The following BRD3OS variants were observed in gnomAD, a reference collection of about 807,000 sequenced individuals.
The protein encoded by BRD3OS is BRD3 opposite strand.
rs1843472954 is a variant in BRD3OS at position 134,029,115 on chromosome 9, G to A, written c.*2113G>A. Reference sequence around the variant, plus strand: ...CCAAGGAAGCACTCCACATCCGCTAGGTAGGGTTTGTCTGCATCTTTTCAG... The same window carrying A: ...CCAAGGAAGCACTCCACATCCGCTAAGTAGGGTTTGTCTGCATCTTTTCAG... On this transcript the variant is annotated 3_prime_UTR_variant, in exon 3 of 3. Transcript: ENST00000603928. The A allele has an allele frequency of 6.6e-6, 1 of 152,322 alleles. No homozygotes were observed. Among genetic ancestry groups the A allele is most frequent in the Admixed American group, 6.5e-5 (1 of 15,290 alleles). 9.4% of individuals were successfully genotyped at this position (152,322 alleles called of 1,614,324 possible).
Position 134,027,235 on chromosome 9 carries a change from C to T in BRD3OS, c.*233C>T, listed in dbSNP as rs1469165399. The T allele has an allele frequency of 3.0e-6, 1 of 336,930 alleles. No homozygotes were observed. Among genetic ancestry groups the T allele is most frequent in the Admixed American group, 4.9e-5 (1 of 20,578 alleles). 20.9% of individuals were successfully genotyped at this position (336,930 alleles called of 1,614,324 possible). ...TCCCCTCTAGAGTCCCCTCCGTGGT[C>T]AGCTGTTGTGACATTTGAATTCTCC... is the stretch of plus-strand genomic sequence containing the variant. On this transcript the variant is annotated 3_prime_UTR_variant, in exon 3 of 3. Coordinates refer to ENST00000603928, the MANE Select transcript of BRD3OS (RefSeq NM_001355256.2).
chr9:134,028,920 C>T lies in BRD3OS; in HGVS notation c.*1918C>T, dbSNP rs1843470189. The T allele has an allele frequency of 6.6e-6, 1 of 152,268 alleles. No individual in the cohort carries two copies. Among genetic ancestry groups the T allele is most frequent in the African/African-American group, 2.4e-5 (1 of 41,460 alleles). 9.4% of individuals were successfully genotyped at this position (152,268 alleles called of 1,614,324 possible). A position where few individuals can be genotyped will look rare whatever the true frequency, so the allele number is the denominator to read the frequency against. On this transcript the variant is annotated 3_prime_UTR_variant, in exon 3 of 3. Coordinates refer to ENST00000603928, the MANE Select transcript of BRD3OS (RefSeq NM_001355256.2). ...TGCCAGAGGCCTGGTCGGCAGCAGC[C>T]TCCTGCACAGCCCGAGTCCCTTCTG... is the stretch of plus-strand genomic sequence containing the variant.
Position 134,027,325 on chromosome 9 carries a change from G to T in BRD3OS, c.*323G>T, listed in dbSNP as rs907113422. The T allele has an allele frequency of 1.3e-5, 3 of 226,824 alleles. No homozygotes were observed. The highest frequency in any genetic ancestry group is 2.6e-5 in the Non-Finnish European group (3 of 117,488). 14.1% of individuals were successfully genotyped at this position (226,824 alleles called of 1,614,324 possible). On this transcript the variant is annotated 3_prime_UTR_variant, in exon 3 of 3. Transcript: ENST00000603928. ...ATGCTTGGTTTAAACCAGGCCAAGA[G>T]TAACCCTCCCATCCCCATTACAAAC...
chr9:134,028,761 G>A lies in BRD3OS; in HGVS notation c.*1759G>A, dbSNP rs755011567. 1.3e-5 allele frequency: 2 copies of A among 152,270 alleles called. No individual in the cohort carries two copies. Among genetic ancestry groups the A allele is most frequent in the Non-Finnish European group, 2.9e-5 (2 of 68,068 alleles). The allele number at this position is 152,270 out of a possible 1,614,324, so 9.4% of individuals were successfully genotyped here. A position where few individuals can be genotyped will look rare whatever the true frequency, so the allele number is the denominator to read the frequency against. On this transcript the variant is annotated 3_prime_UTR_variant, in exon 3 of 3. Transcript: ENST00000603928. ...AGACGGGCACAGTGACAGCATCCAG[G>A]TTGTCATCTGTGCAAACAGCATGTT...
intron 1 of BRD3OS, 28 bp downstream of exon 1, chr9:134,025,564 C>G (rs1468547213): frequency 1.3e-5 from 2 of 151,976 alleles, no homozygotes; most frequent in African/African-American, 4.8e-5. Context: ...CGTGGGGGAC[C>G]CGGGGATGCG....
In BRD3OS at chr9:134,030,837, G is replaced by A; in HGVS notation, c.*3835G>A. 4.3e-6 allele frequency: 1 copy of A among 232,472 alleles called. No homozygotes were observed. Among genetic ancestry groups the A allele is most frequent in the Non-Finnish European group, 8.5e-6 (1 of 117,556 alleles). 14.4% of individuals were successfully genotyped at this position (232,472 alleles called of 1,614,324 possible). On this transcript the variant is annotated 3_prime_UTR_variant, in exon 3 of 3. Transcript: ENST00000603928. ...GAAGCCTGCCCCCTCGGCCTCCAGG[G>A]GTCATTCAGAGTGTTCTCAAATCCA...
rs1843448294 is a variant in BRD3OS at position 134,027,766 on chromosome 9, T to C, written c.*764T>C. The C allele has an allele frequency of 6.6e-6, 1 of 152,240 alleles. No homozygotes were observed. The highest frequency in any genetic ancestry group is 2.4e-5 in the African/African-American group (1 of 41,456). 9.4% of individuals were successfully genotyped at this position (152,240 alleles called of 1,614,324 possible). A position where few individuals can be genotyped will look rare whatever the true frequency, so the allele number is the denominator to read the frequency against. ...ATCATCTGTGAAGCATCATGGTAGC[T>C]TCCAAGCATTTGCGGCCCACTGGCC... On this transcript the variant is annotated 3_prime_UTR_variant, in exon 3 of 3. Transcript: ENST00000603928.
rs1276723264 is a variant in BRD3OS, at chr9:134,027,529, C to CT, written c.*528dup. On this transcript the variant is annotated 3_prime_UTR_variant, in exon 3 of 3. Transcript: ENST00000603928. ...GCACAATCACAGCTCACTGTAGGCT[C>CT]TATCTCCTGGGCTCAGGTGATCCTC... is the stretch of plus-strand genomic sequence containing the variant. 2.0e-5 allele frequency: 3 copies of CT among 152,254 alleles called. No individual in the cohort carries two copies. The highest frequency in any genetic ancestry group is 4.8e-5 in the African/African-American group (2 of 41,438). 9.4% of individuals were successfully genotyped at this position (152,254 alleles called of 1,614,324 possible).
In BRD3OS at chr9:134,026,540, C is replaced by T; in HGVS notation, c.-208C>T. On this transcript the variant is annotated 5_prime_UTR_variant, in exon 3 of 3. Transcript: ENST00000603928. This position sits in a 1 kb window ranked among gnomAD's most constrained non-coding sequence, Gnocchi z 4.4. Reference sequence around the variant, plus strand: ...GGTCCCCTGAATGGGTCTCAGGTGTCTTCAGAATGGTGAGGCCGCCTCATT... The same window carrying T: ...GGTCCCCTGAATGGGTCTCAGGTGTTTTCAGAATGGTGAGGCCGCCTCATT... 1 of 369,254 alleles carries T rather than the reference C, an allele frequency of 2.7e-6. No individual in the cohort carries two copies. Among genetic ancestry groups the T allele is most frequent in the Non-Finnish European group, 4.8e-6 (1 of 207,770 alleles). 22.9% of individuals were successfully genotyped at this position (369,254 alleles called of 1,614,324 possible).
rs1843510121 is a variant in BRD3OS, at chr9:134,031,367, CGTAT to C, written c.*4366_*4369del. Reference sequence around the variant, plus strand: ...CCAGGCACCCCCGGCTTAGGGTGTACGTATCACCCAGCCCTGTGCTGGCAGCACG... The same window carrying C: ...CCAGGCACCCCCGGCTTAGGGTGTACCACCCAGCCCTGTGCTGGCAGCACG... On this transcript the variant is annotated 3_prime_UTR_variant, in exon 3 of 3. Coordinates refer to ENST00000603928, the MANE Select transcript of BRD3OS (RefSeq NM_001355256.2). 4.8e-6 allele frequency: 1 copy of C among 207,674 alleles called. No homozygotes were observed. The highest frequency in any genetic ancestry group is 9.8e-6 in the Non-Finnish European group (1 of 101,890). The allele number at this position is 207,674 out of a possible 1,614,324, so 12.9% of individuals were successfully genotyped here. A position where few individuals can be genotyped will look rare whatever the true frequency, so the allele number is the denominator to read the frequency against.
Position 134,027,514 on chromosome 9 carries a change from AGCTCACTGTAG to A in BRD3OS, c.*517_*527del, listed in dbSNP as rs1381726169. On this transcript the variant is annotated 3_prime_UTR_variant, in exon 3 of 3. Transcript: ENST00000603928. ...GGCTGGAATACAGTGGCACAATCAC[AGCTCACTGTAG>A]GCTCTATCTCCTGGGCTCAGGTGAT... is the stretch of plus-strand genomic sequence containing the variant. The A allele has an allele frequency of 6.6e-6, 1 of 152,192 alleles. No individual in the cohort carries two copies. Among genetic ancestry groups the A allele is most frequent in the Non-Finnish European group, 1.5e-5 (1 of 68,068 alleles). 9.4% of individuals were successfully genotyped at this position (152,192 alleles called of 1,614,324 possible).
Position 134,026,995 on chromosome 9 carries a change from T to C in BRD3OS, c.248T>C (p.Ile83Thr). Reference sequence around the variant, plus strand: ...ACAGGGCAGTCCAAGTTTTGCACAATTATGTAATTCCGATGTGAGCACCTG... The same window carrying C: ...ACAGGGCAGTCCAAGTTTTGCACAACTATGTAATTCCGATGTGAGCACCTG... ...RDTGQSKFCT[I>T]M Residue 83 changes from isoleucine to threonine, a missense_variant, in exon 3 of 3, where the codon ATT (isoleucine) becomes ACT (threonine). Ile to Thr is a moderately conservative substitution (Grantham distance 89). Transcript: ENST00000603928. This position sits in a 1 kb window ranked among gnomAD's most constrained non-coding sequence, Gnocchi z 4.4. The C allele has an allele frequency of 2.5e-6, 1 of 398,866 alleles. No individual in the cohort carries two copies. The allele number at this position is 398,866 out of a possible 1,614,324, so 24.7% of individuals were successfully genotyped here.
At position 134,029,416 on chromosome 9, in the gene BRD3OS, G is replaced by C. The variant is rs982884275; in HGVS notation, c.*2414G>C. The C allele has an allele frequency of 6.6e-6, 1 of 152,384 alleles. No homozygotes were observed. Among genetic ancestry groups the C allele is most frequent in the African/African-American group, 2.4e-5 (1 of 41,468 alleles). The allele number at this position is 152,384 out of a possible 1,614,324, so 9.4% of individuals were successfully genotyped here. The stretch of plus-strand genomic sequence containing the variant: ...CACTAAGCCGCTTAGGCTGCAGGAA[G>C]ACACCATCTGCCTGGGGCGGACAAG... On this transcript the variant is annotated 3_prime_UTR_variant, in exon 3 of 3. Coordinates refer to ENST00000603928, the MANE Select transcript of BRD3OS (RefSeq NM_001355256.2).
Position 134,029,502 on chromosome 9 carries a change from G to A in BRD3OS, c.*2500G>A, listed in dbSNP as rs1403642645. The A allele has an allele frequency of 6.6e-6, 1 of 152,284 alleles. No homozygotes were observed. The highest frequency in any genetic ancestry group is 1.9e-4 in the East Asian group (1 of 5,188). The allele number at this position is 152,284 out of a possible 1,614,324, so 9.4% of individuals were successfully genotyped here. ...GAGAAGGGTCACAGTCTGGCCAGGA[G>A]TGTCACCGTGCCCCCTGACCCCATC... On this transcript the variant is annotated 3_prime_UTR_variant, in exon 3 of 3. Transcript: ENST00000603928.
In BRD3OS at chr9:134,031,327, G is replaced by C. The variant is rs1333568155; in HGVS notation, c.*4325G>C. ...CCTGTGGCTGGAGGGGCATTGCAAG[G>C]AGCGCCCCCCAGCCCCAGGCACCCC... is the stretch of plus-strand genomic sequence containing the variant. On this transcript the variant is annotated 3_prime_UTR_variant, in exon 3 of 3. Coordinates refer to ENST00000603928, the MANE Select transcript of BRD3OS (RefSeq NM_001355256.2). 1 of 208,984 alleles carries C rather than the reference G, an allele frequency of 4.8e-6. No homozygotes were observed. The highest frequency in any genetic ancestry group is 9.7e-6 in the Non-Finnish European group (1 of 102,612). The allele number at this position is 208,984 out of a possible 1,614,324, so 12.9% of individuals were successfully genotyped here.
At position 134,028,421 on chromosome 9, in the gene BRD3OS, C is replaced by T. The variant is rs777214633; in HGVS notation, c.*1419C>T. 2 of 152,278 alleles carry T rather than the reference C, an allele frequency of 1.3e-5. No homozygotes were observed. Among genetic ancestry groups the T allele is most frequent in the Non-Finnish European group, 2.9e-5 (2 of 68,108 alleles). 9.4% of individuals were successfully genotyped at this position (152,278 alleles called of 1,614,324 possible). ...TTTCTTTTTTTTTAAGAGAGTCTCA[C>T]TCTGTTGCCCAGGCTGGAGTGCAAT... On this transcript the variant is annotated 3_prime_UTR_variant, in exon 3 of 3. Coordinates refer to ENST00000603928, the MANE Select transcript of BRD3OS (RefSeq NM_001355256.2).
rs981186585 is a variant in BRD3OS at position 134,026,765 on chromosome 9, C to A, written c.18C>A (p.Pro6=). 8 of 398,740 alleles carry A rather than the reference C, an allele frequency of 2.0e-5. No homozygotes were observed. The highest frequency in any genetic ancestry group is 4.4e-5 in the Admixed American group (1 of 22,708). The allele number at this position is 398,740 out of a possible 1,614,324, so 24.7% of individuals were successfully genotyped here. A position where few individuals can be genotyped will look rare whatever the true frequency, so the allele number is the denominator to read the frequency against. The change falls in exon 3 of 3, where the codon CCC becomes CCA. Residue 6 remains proline, a synonymous_variant. Coordinates refer to ENST00000603928, the MANE Select transcript of BRD3OS (RefSeq NM_001355256.2). The surrounding 1 kb of genome is among the most constrained non-coding windows in gnomAD (Gnocchi z 4.4). ...GGGAGGGGATGAGTGGCCGTGTCCC[C>A]CTGGCAGAGAAGGCCTTGTCTGAAG... MSGRV[P]LAEKALSEGY...
chr9:134,027,048 A>G lies in BRD3OS; in HGVS notation c.*46A>G. ...CCCAGGACCACACTTTGAGGAAAAC[A>G]GACCTGAGTTTCATTCAGTTGTCTT... On this transcript the variant is annotated 3_prime_UTR_variant, in exon 3 of 3. Transcript: ENST00000603928. The G allele has an allele frequency of 2.5e-6, 1 of 398,744 alleles. No individual in the cohort carries two copies. Among genetic ancestry groups the G allele is most frequent in the Non-Finnish European group, 4.4e-6 (1 of 226,040 alleles). The allele number at this position is 398,744 out of a possible 1,614,324, so 24.7% of individuals were successfully genotyped here. A position where few individuals can be genotyped will look rare whatever the true frequency, so the allele number is the denominator to read the frequency against.
Position 134,030,080 on chromosome 9 carries a change from G to A in BRD3OS, c.*3078G>A, listed in dbSNP as rs1588265650. 1.3e-5 allele frequency: 2 copies of A among 152,274 alleles called. No homozygotes were observed. Among genetic ancestry groups the A allele is most frequent in the African/African-American group, 2.4e-5 (1 of 41,542 alleles). The allele number at this position is 152,274 out of a possible 1,614,324, so 9.4% of individuals were successfully genotyped here. Reference sequence around the variant, plus strand: ...CCCAAAGTGCTGTGATCACAGGCACGAGCCACTGCATCCTGCCTTTAAATG... The same window carrying A: ...CCCAAAGTGCTGTGATCACAGGCACAAGCCACTGCATCCTGCCTTTAAATG... On this transcript the variant is annotated 3_prime_UTR_variant, in exon 3 of 3. Transcript: ENST00000603928.
Sources: gnomAD v4.1 joint callset for allele counts on GRCh38, gnomAD v4.1.1 for gene constraint, Gnocchi (gnomAD v3.1) non-coding constraint, MANE v1.5 for transcripts, NCBI Gene and HGNC (gene_info 2026-07-23, HGNC 2026-07-21) for gene names.